Variants in FBN2 observed in about 807,000 individuals in gnomAD.
The protein encoded by FBN2 is fibrillin 2.
A neutral mutation model predicts 355.6 loss-of-function variants in FBN2; 105 were observed. The ratio of observed to expected loss-of-function variants is 0.30; its 90% CI spans 0.25 to 0.35. The LOEUF is 0.35. Among genes scored for constraint, FBN2 ranks in the 10% least tolerant of loss-of-function variants. FBN2 has a pLI of 1.00. For synonymous variants in FBN2, 1,350 were observed against 1,301.2 expected, an observed-to-expected ratio of 1.04 and a Z score of -0.81; for missense variants, 3,280 against 3,758.7, an observed-to-expected ratio of 0.87 and a Z score of 3.33.
At chr5:128,533,881 A>C (rs942212951) in intron 2 of FBN2, among the ~76,000 whole-genome samples, 2 of 152,156 alleles carry the variant, frequency 1.3e-5, no homozygotes, top group African/African-American at 4.8e-5. Context: ...AAAGGTGAGA[A>C]AGTCAATTCC....
At chr5:128,326,719 C>T (rs1186710081) in intron 34 of FBN2, among the ~76,000 whole-genome samples, 2 of 152,096 alleles carry the variant, frequency 1.3e-5, no homozygotes, top group Admixed American at 1.3e-4. Context: ...TTTTTTGGAT[C>T]TCAAAAGCTG....
intron 6 of FBN2, among the ~76,000 whole-genome samples, chr5:128,459,758 C>G (rs1159603453): frequency 6.6e-6 from 1 of 152,144 alleles, no homozygotes; most frequent in Non-Finnish European, 1.5e-5. Context: ...CTATAAAAGT[C>G]AACATCCGTT....
chr5:128,278,862 G>C (rs774022557), intron 56 of FBN2, 21 bp from the exon 57 acceptor site: 3 of 1,596,548 alleles, frequency 1.9e-6, no homozygotes, highest in Non-Finnish European at 2.6e-6. Context: ...AAAGTAGAAA[G>C]AGTTAAGGAT....
intron 5 of FBN2, 66 bp from the exon 6 acceptor site, chr5:128,464,987 C>G: frequency 7.0e-7 from 1 of 1,419,994 alleles, no homozygotes; most frequent in East Asian, 2.3e-5. Context: ...ACCAGTGCCT[C>G]CAAATGCATA....
intron 9 of FBN2, among the ~76,000 whole-genome samples, chr5:128,394,874 A>G (rs1752605499): frequency 6.6e-6 from 1 of 151,922 alleles, no homozygotes; most frequent in African/African-American, 2.4e-5. Context: ...TAGCCTCGAC[A>G]GCCCAAGCTC....
At chr5:128,275,700 C>T (rs1190112163) in intron 59 of FBN2, among the ~76,000 whole-genome samples, 1 of 152,072 alleles carries the variant, frequency 6.6e-6, no homozygotes, top group Non-Finnish European at 1.5e-5. Context: ...ATAAAGGTAG[C>T]TTAGAGAAAT....
chr5:128,429,131 A>C (rs571094894), intron 7 of FBN2, among the ~76,000 whole-genome samples: 1 of 152,302 alleles, frequency 6.6e-6, no homozygotes, highest in South Asian at 2.1e-4. Flanking sequence ...CAGCCTTTCC[A>C]GGTGTGAGTC....
intron 56 of FBN2, 129 bp downstream of exon 56, chr5:128,280,063 A>C (rs754118492): frequency 3.4e-5 from 25 of 737,832 alleles, no homozygotes; most frequent in South Asian, 3.2e-4. Flanking sequence ...CTTTAAGAAG[A>C]AGCATGTGGA....
intron 5 of FBN2, among the ~76,000 whole-genome samples, chr5:128,513,893 C>G (rs1343981487): frequency 6.6e-6 from 1 of 152,024 alleles, no homozygotes; most frequent in Non-Finnish European, 1.5e-5. Flanking sequence ...AGGGTATCAA[C>G]TGAGCTAGTG....
At chr5:128,292,840 C>T (rs1038279784) in intron 48 of FBN2, among the ~76,000 whole-genome samples, 1 of 152,190 alleles carries the variant, frequency 6.6e-6, no homozygotes, top group Non-Finnish European at 1.5e-5. Flanking sequence ...CTTTCTTGAA[C>T]TGCCACCCTC....
intron 5 of FBN2, among the ~76,000 whole-genome samples, chr5:128,513,064 A>C (rs544329025): frequency 1.7e-4 from 26 of 152,208 alleles, no homozygotes; most frequent in Non-Finnish European, 3.1e-4. Context: ...AAATACAACA[A>C]GTAACACTTA....
chr5:128,314,706 TCTC>T (rs1374026371), intron 36 of FBN2, among the ~76,000 whole-genome samples: 4 of 152,178 alleles, frequency 2.6e-5, no homozygotes, highest in Non-Finnish European at 5.9e-5. Flanking sequence ...TCATTCCTAT[TCTC>T]CTTCCCTACC....
In FBN2 at chr5:128,334,508, C is replaced by T. The variant is rs146068163; in HGVS notation, c.4099+211G>A. Among the ~76,000 whole-genome samples the T allele has an allele frequency of 1.3e-3, 200 of 152,272 alleles. 1 individual carries two copies. Among genetic ancestry groups the T allele is most frequent in the African/African-American group, 4.5e-3 (189 of 41,552 alleles). ...TCACTCACTCTGTCACAGCCCACAG[C>T]CAGCCCCACGGTGGGTGGCTCAGAC... On this transcript the variant is annotated intron_variant, in intron 31 of 64. Transcript: ENST00000262464.
At chr5:128,511,924 C>G (rs1055910205) in intron 5 of FBN2, among the ~76,000 whole-genome samples, 1 of 152,122 alleles carries the variant, frequency 6.6e-6, no homozygotes. Flanking sequence ...AGAATAATAA[C>G]TTGTGTATAG....
At chr5:128,304,307 G>A (rs1371681806) in intron 45 of FBN2, among the ~76,000 whole-genome samples, 1 of 152,188 alleles carries the variant, frequency 6.6e-6, no homozygotes, top group Non-Finnish European at 1.5e-5. Flanking sequence ...CTCAGTCCCA[G>A]CTTCATGGCA....
At chr5:128,440,761 G>A (rs1753897763) in intron 7 of FBN2, among the ~76,000 whole-genome samples, 1 of 152,180 alleles carries the variant, frequency 6.6e-6, no homozygotes. Flanking sequence ...GAATTATTTA[G>A]GCACAGAATA....
intron 21 of FBN2, 87 bp from the exon 22 acceptor site, chr5:128,350,092 A>G (rs2126920921): frequency 4.4e-6 from 5 of 1,131,672 alleles, no homozygotes; most frequent in Non-Finnish European, 6.7e-6. Context: ...TGAAATCTAA[A>G]TGGAACTAAA....
chr5:128,323,000 T>G lies in FBN2; in HGVS notation c.4472-3999A>C, dbSNP rs568244693. Among the ~76,000 whole-genome samples the G allele has an allele frequency of 4.2e-3, 635 of 152,314 alleles. 1 individual carries two copies. Among genetic ancestry groups the G allele is most frequent in the Non-Finnish European group, 7.6e-3 (515 of 68,014 alleles). On this transcript the variant is annotated intron_variant, in intron 34 of 64. Coordinates refer to ENST00000262464, the MANE Select transcript of FBN2 (RefSeq NM_001999.4). ...GAGGCCCTTCACATCCCTTGTAAGT[T>G]GTATTCCTATGTATTTTATTCTCTT...
At chr5:128,290,347 T>G (rs1581191462) in intron 50 of FBN2, among the ~76,000 whole-genome samples, 1 of 152,220 alleles carries the variant, frequency 6.6e-6, no homozygotes, top group Non-Finnish European at 1.5e-5. Flanking sequence ...CTGACTCAGC[T>G]TCTCAGAATT....
Sources: allele counts gnomAD v4.1 joint callset (sites outside exome capture counted in the v4.1 genomes callset), GRCh38; gene constraint gnomAD v4.1.1; transcripts MANE v1.5; gene names NCBI Gene and HGNC (gene_info 2026-07-23, HGNC 2026-07-21).